Variants in NCKAP5 observed in about 807,000 individuals in gnomAD.
The protein encoded by NCKAP5 is nck-associated protein 5.
Under a neutral mutation model 167.0 loss-of-function variants are expected in NCKAP5, and 92 were observed. The ratio of observed to expected loss-of-function variants is 0.55; its 90% CI spans 0.47 to 0.66. The LOEUF (loss-of-function observed/expected upper bound fraction) is 0.66. Among genes scored for constraint, NCKAP5 ranks in the 30% least tolerant of loss-of-function variants. NCKAP5 has a pLI of 0.00. For synonymous variants in NCKAP5, 891 were observed against 877.4 expected (o/e 1.02, Z -0.27); for missense variants, 2,378 against 2,315.0 (o/e 1.03, Z -0.56).
intron 4 of NCKAP5, among the ~76,000 whole-genome samples, chr2:133,257,460 C>T (rs962520091): frequency 6.6e-6 from 1 of 151,926 alleles, no homozygotes; most frequent in African/African-American, 2.4e-5. Context: ...CATTTATATT[C>T]ATAAATATAT....
chr2:132,760,422 G>A (rs1680904211), intron 16 of NCKAP5, among the ~76,000 whole-genome samples: 1 of 152,132 alleles, frequency 6.6e-6, no homozygotes, highest in Non-Finnish European at 1.5e-5. Flanking sequence ...GCACACTGAA[G>A]ATATAATTCT....
intron 3 of NCKAP5, among the ~76,000 whole-genome samples, chr2:133,314,559 C>A (rs1408303458): frequency 6.6e-6 from 1 of 152,158 alleles, no homozygotes; most frequent in Non-Finnish European, 1.5e-5. Context: ...CGATTACCAC[C>A]CACTGTCCTC....
chr2:132,807,328 A>G (rs2197696), intron 11 of NCKAP5, among the ~76,000 whole-genome samples: 12,567 of 152,012 alleles, frequency 0.083, 1,098 homozygotes, highest in African/African-American at 0.2. Flanking sequence ...GATTGCATTG[A>G]ATTTGTAGAT....
intron 9 of NCKAP5, among the ~76,000 whole-genome samples, chr2:132,872,518 C>T (rs1390967923): frequency 6.6e-6 from 1 of 152,170 alleles, no homozygotes; most frequent in Non-Finnish European, 1.5e-5. Flanking sequence ...TAAGAAGCCA[C>T]ACTAAGCAGT....
chr2:133,126,066 C>A (rs2082395171), intron 6 of NCKAP5, among the ~76,000 whole-genome samples: 1 of 152,218 alleles, frequency 6.6e-6, no homozygotes, highest in African/African-American at 2.4e-5. Context: ...GCCTTCAAGC[C>A]ATCAGGCTCA....
At chr2:133,045,962 C>T (rs1343415360) in intron 6 of NCKAP5, among the ~76,000 whole-genome samples, 1 of 152,178 alleles carries the variant, frequency 6.6e-6, no homozygotes, top group Non-Finnish European at 1.5e-5. Flanking sequence ...AAGCACGTGG[C>T]TATGCAATGA....
intron 7 of NCKAP5, among the ~76,000 whole-genome samples, chr2:132,986,399 A>G (rs186386018): frequency 1.1e-3 from 162 of 152,268 alleles, no homozygotes; most frequent in African/African-American, 3.7e-3. Flanking sequence ...GGAAACAACA[A>G]AACCAAGCAG....
At chr2:133,136,666 C>T (rs1175990755) in intron 5 of NCKAP5, among the ~76,000 whole-genome samples, 1 of 152,140 alleles carries the variant, frequency 6.6e-6, no homozygotes, top group South Asian at 2.1e-4. Flanking sequence ...AACATTAGTA[C>T]TCTTGGATAA....
chr2:132,887,365 T>TTCCATCCAACCA (rs1692330263), intron 8 of NCKAP5, among the ~76,000 whole-genome samples: 1 of 133,810 alleles, frequency 7.5e-6, no homozygotes, highest in African/African-American at 2.8e-5. Flanking sequence ...CCATCCATCT[T>TTCCATCCAACCA]TCCATCCATC....
chr2:133,588,082 G>T, the NCKAP5 span, among the ~76,000 whole-genome samples: 2 of 152,074 alleles, frequency 1.3e-5, no homozygotes, highest in Non-Finnish European at 2.9e-5. Flanking sequence ...TGTCATAAGT[G>T]TGTGTATGTC....
At chr2:133,265,700 G>C (rs1290577290) in intron 4 of NCKAP5, among the ~76,000 whole-genome samples, 1 of 152,132 alleles carries the variant, frequency 6.6e-6, no homozygotes, top group Non-Finnish European at 1.5e-5. Flanking sequence ...CACGCGCAAG[G>C]GAGGCAGTGC....
chr2:132,920,658 C>G (rs1695247921), intron 8 of NCKAP5, among the ~76,000 whole-genome samples: 1 of 78,156 alleles, frequency 1.3e-5, no homozygotes, highest in Non-Finnish European at 2.1e-5. Context: ...TATGGAAGAA[C>G]TTATATATAT....
intron 7 of NCKAP5, among the ~76,000 whole-genome samples, chr2:132,969,862 C>T (rs1451804814): frequency 6.6e-6 from 1 of 152,142 alleles, no homozygotes; most frequent in African/African-American, 2.4e-5. Flanking sequence ...GACAAAATGC[C>T]CTGATGCAAA....
In NCKAP5 at chr2:133,537,023, C is replaced by T. The variant is rs180940129; in HGVS notation, c.-61-19436G>A. On this transcript the variant is annotated intron_variant, in intron 2 of 19. Coordinates refer to ENST00000409261, the MANE Select transcript of NCKAP5 (RefSeq NM_207363.3). ...ATTTCCTCTTTTATACATGAATCTC[C>T]AATTATCCTAACATTATTTGTTGAG... 1.6e-3 allele frequency among the ~76,000 whole-genome samples: 239 copies of T among 152,082 alleles called. 1 individual carries two copies. The highest frequency in any genetic ancestry group is 5.5e-3 in the African/African-American group (227 of 41,538).
chr2:133,396,228 A>AAAGCATAAAGCAATATTGGT (rs1335839746), intron 3 of NCKAP5, among the ~76,000 whole-genome samples: 1 of 152,150 alleles, frequency 6.6e-6, no homozygotes, highest in African/African-American at 2.4e-5. Context: ...TAAATTTGAA[A>AAAGCATAAAGCAATATTGGT]AAGCATAAAG....
chr2:133,542,501 C>G (rs10201788), intron 2 of NCKAP5, among the ~76,000 whole-genome samples: 17,518 of 152,212 alleles, frequency 0.12, 1,201 homozygotes, highest in East Asian at 0.3. Flanking sequence ...TGTCATCCCA[C>G]GCTATCCAGT....
At position 132,784,875 on chromosome 2, in the gene NCKAP5, G is replaced by C. The variant is rs1488838871; in HGVS notation, c.1936C>G (p.Pro646Ala). ...TGCTTAATGAAACTAAAAGTCTTTG[G>C]CCTAGTCTCTGAAGGGATGGGCACT... Reference protein sequence around the residue: ...KQVPIPSETRPKTFSFIKQQR... With the variant: ...KQVPIPSETRAKTFSFIKQQR... Residue 646 changes from proline to alanine, a missense_variant, in exon 14 of 20, where the codon CCA (proline) becomes GCA (alanine). Physicochemically the swap from Pro to Ala is conservative, Grantham distance 27. Coordinates refer to ENST00000409261, the MANE Select transcript of NCKAP5 (RefSeq NM_207363.3). The C allele has an allele frequency of 1.9e-6, 3 of 1,562,374 alleles. No homozygotes were observed. Among genetic ancestry groups the C allele is most frequent in the Non-Finnish European group, 2.6e-6 (3 of 1,155,328 alleles).
chr2:133,274,095 T>C (rs184283239), intron 4 of NCKAP5, among the ~76,000 whole-genome samples: 1 of 152,014 alleles, frequency 6.6e-6, no homozygotes, highest in African/African-American at 2.4e-5. Flanking sequence ...CTCTAAGGTC[T>C]TAGAGCAGTT....
At chr2:132,733,316 C>T (rs1009608543) in intron 16 of NCKAP5, among the ~76,000 whole-genome samples, 1 of 152,156 alleles carries the variant, frequency 6.6e-6, no homozygotes, top group Non-Finnish European at 1.5e-5. Context: ...CAACTTAGCA[C>T]TGTGTTAGGC....
Sources: gnomAD v4.1 joint callset for allele counts (sites outside exome capture counted in the v4.1 genomes callset) on GRCh38, gnomAD v4.1.1 for gene constraint, MANE v1.5 for transcripts, NCBI Gene and HGNC (gene_info 2026-07-23, HGNC 2026-07-21) for gene names.